Variants in DENND4A observed in about 807,000 individuals in gnomAD.
DENND4A encodes the protein C-myc promoter-binding protein.
Under a neutral mutation model 199.3 loss-of-function variants are expected in DENND4A, and 70 were observed. The ratio of observed to expected loss-of-function variants is 0.35; its 90% CI spans 0.29 to 0.43. The LOEUF is 0.43. Among genes scored for constraint, DENND4A ranks in the 20% least tolerant of loss-of-function variants. DENND4A has a pLI of 1.00. For synonymous variants in DENND4A, 686 were observed against 766.9 expected, an observed-to-expected ratio of 0.89 and a Z score of 1.74; for missense variants, 1,723 against 2,255.8, an observed-to-expected ratio of 0.76 and a Z score of 4.78.
At chr15:65,684,230 T>G (rs2076676457) in intron 23 of DENND4A, among the ~76,000 whole-genome samples, 1 of 152,226 alleles carries the variant, frequency 6.6e-6, no homozygotes, top group Non-Finnish European at 1.5e-5. Flanking sequence ...TTGGGTAGAT[T>G]ATTTAGAGTG....
At chr15:65,693,483 G>A (rs1248484144) in intron 22 of DENND4A, among the ~76,000 whole-genome samples, 1 of 151,932 alleles carries the variant, frequency 6.6e-6, no homozygotes, top group Non-Finnish European at 1.5e-5. Flanking sequence ...TCACATATTC[G>A]AGACTTAAAG....
rs780618494 is a variant in DENND4A, at chr15:65,691,142, C to T, written c.3452G>A (p.Gly1151Asp). The T allele has an allele frequency of 6.2e-7, 1 of 1,613,332 alleles. No homozygotes were observed. Among genetic ancestry groups the T allele is most frequent in the Non-Finnish European group, 8.5e-7 (1 of 1,179,716 alleles). ...ESSDDDTPFD[G>D]SNYLADKVDS... ...CACTTTATCTGCCAAATAGTTAGAA[C>T]CATCAAAAGGTGTATCATCATCACT... The change falls in exon 23 of 33, where the codon GGT becomes GAT. Residue 1151 changes from glycine (G) to aspartate (D), a missense_variant. Gly to Asp is a moderately conservative substitution (Grantham distance 94). Transcript: ENST00000443035.
At position 65,670,022 on chromosome 15, in the gene DENND4A, C is replaced by T. The variant is rs369909860; in HGVS notation, c.4631G>A (p.Arg1544Gln). The change falls in exon 26 of 33, where the codon CGA becomes CAA. Residue 1544 changes from arginine to glutamine, a missense_variant. This residue lies in a region of DENND4A where 141 missense variants were observed against 170.7 expected (regional missense o/e 0.83). Coordinates refer to ENST00000443035, the MANE Select transcript of DENND4A (RefSeq NM_001320835.1). ...AAAAAAATATCATTACCTTCCAGGT[C>T]GTCTTAAATCTCTTATTTCTATATT... Reference protein sequence around the residue: ...FLNIEIRDLRRPGRYFLKSSP... With the variant: ...FLNIEIRDLRQPGRYFLKSSP... 2.5e-6 allele frequency: 4 copies of T among 1,590,704 alleles called. No individual in the cohort carries two copies. The highest frequency in any genetic ancestry group is 2.3e-5 in the South Asian group (2 of 88,060).
intron 14 of DENND4A, among the ~76,000 whole-genome samples, chr15:65,713,118 C>T (rs924976512): frequency 7.2e-5 from 11 of 152,284 alleles, no homozygotes; most frequent in East Asian, 1.9e-4. Flanking sequence ...ACTCCTCAAA[C>T]CACATTCAAG....
chr15:65,782,120 A>G (rs534628911), intron 1 of DENND4A, among the ~76,000 whole-genome samples: 41 of 152,348 alleles, frequency 2.7e-4, no homozygotes, highest in African/African-American at 9.6e-4. Flanking sequence ...ATAGTAGGTG[A>G]CTGTGAATAC....
chr15:65,699,711 G>A (rs899417116), intron 20 of DENND4A, among the ~76,000 whole-genome samples: 13 of 147,102 alleles, frequency 8.8e-5, no homozygotes, highest in Non-Finnish European at 1.8e-4. Flanking sequence ...ACAGGGTCTC[G>A]CTCTGTCACC....
At chr15:65,790,755 T>C (rs1425042477) in intron 1 of DENND4A, among the ~76,000 whole-genome samples, 2 of 152,360 alleles carry the variant, frequency 1.3e-5, no homozygotes, top group East Asian at 3.9e-4. Flanking sequence ...AAATTTTGTA[T>C]ACTTAAGTTT....
At chr15:65,770,237 T>G (rs72741274) in intron 1 of DENND4A, among the ~76,000 whole-genome samples, 7,738 of 152,232 alleles carry the variant, frequency 0.051, 283 homozygotes, top group Non-Finnish European at 0.072. Context: ...ATTACTTATT[T>G]GTAGAAGAAC....
intron 11 of DENND4A, among the ~76,000 whole-genome samples, chr15:65,724,539 C>T (rs2075748088): frequency 6.6e-6 from 1 of 152,058 alleles, no homozygotes; most frequent in South Asian, 2.1e-4. Context: ...TTTTTATATT[C>T]CCTAAACTTC....
At chr15:65,704,211 T>C (rs1165243650) in intron 15 of DENND4A, among the ~76,000 whole-genome samples, 1 of 152,230 alleles carries the variant, frequency 6.6e-6, no homozygotes, top group Admixed American at 6.5e-5. Flanking sequence ...AAAGACAATG[T>C]AAGTTTATGA....
chr15:65,729,396 G>GA (rs1451505812), intron 10 of DENND4A, 138 bp downstream of exon 10: 8 of 1,389,414 alleles, frequency 5.8e-6, no homozygotes, highest in Non-Finnish European at 7.9e-6. Context: ...TAATGGTCAG[G>GA]AAATCAAAAC....
chr15:65,788,852 C>A (rs1395945414), intron 1 of DENND4A, among the ~76,000 whole-genome samples: 13 of 77,820 alleles, frequency 1.7e-4, no homozygotes, highest in South Asian at 5.1e-4. Flanking sequence ...CAGGACTTGT[C>A]TTAAAAAAAA....
intron 1 of DENND4A, among the ~76,000 whole-genome samples, chr15:65,766,952 T>G (rs1003769192): frequency 6.6e-6 from 1 of 152,160 alleles, no homozygotes; most frequent in African/African-American, 2.4e-5. Flanking sequence ...GCTATTCCCT[T>G]GAGAATATGG....
chr15:65,670,183 G>T lies in DENND4A; in HGVS notation c.4470C>A (p.Leu1490=). 1 of 1,516,686 alleles carries T rather than the reference G, an allele frequency of 6.6e-7. No homozygotes were observed. Among genetic ancestry groups the T allele is most frequent in the Admixed American group, 2.2e-5 (1 of 45,104 alleles). The allele number at this position is 1,516,686 out of a possible 1,614,324, so 94.0% of individuals were successfully genotyped here. A position where few individuals can be genotyped will look rare whatever the true frequency, so the allele number is the denominator to read the frequency against. The change falls in exon 26 of 33, where the codon CTC becomes CTA. Residue 1490 remains leucine, a synonymous_variant. Coordinates refer to ENST00000443035, the MANE Select transcript of DENND4A (RefSeq NM_001320835.1). ...NIFQNYAMEV[L]ISSCSRCRTC... is the part of the protein sequence containing the mutation. ...TTCTACACCGAGAGCAACTTGAGAT[G>T]AGAACCTGTGGGAGAAGATAGCACT...
chr15:65,732,243 T>G (rs2075980097), intron 8 of DENND4A, among the ~76,000 whole-genome samples: 1 of 152,108 alleles, frequency 6.6e-6, no homozygotes, highest in Non-Finnish European at 1.5e-5. Flanking sequence ...TTGTGTGTAT[T>G]TAAACTGAAT....
At chr15:65,675,001 T>C (rs1210658777) in intron 24 of DENND4A, among the ~76,000 whole-genome samples, 2 of 152,142 alleles carry the variant, frequency 1.3e-5, no homozygotes, top group Admixed American at 1.3e-4. Flanking sequence ...CCTTATACTT[T>C]TGCATGTTTG....
intron 3 of DENND4A, among the ~76,000 whole-genome samples, chr15:65,755,251 C>G (rs1463452951): frequency 6.6e-6 from 1 of 152,126 alleles, no homozygotes; most frequent in Non-Finnish European, 1.5e-5. Context: ...AATTGGGTAG[C>G]AACTAAGGAG....
In DENND4A at chr15:65,701,753, G is replaced by A; in HGVS notation, c.2559+9C>T. The A allele has an allele frequency of 6.2e-7, 1 of 1,612,354 alleles. No individual in the cohort carries two copies. The highest frequency in any genetic ancestry group is 8.5e-7 in the Non-Finnish European group (1 of 1,178,968). ...TAATACTCTTTATCCATTAAACCAA[G>A]GTATTTACCTTATTATAATAACCAT... On this transcript the variant is annotated intron_variant, in intron 18 of 32. Transcript: ENST00000443035.
chr15:65,768,325 T>G (rs1262254575), intron 1 of DENND4A, among the ~76,000 whole-genome samples: 2 of 151,892 alleles, frequency 1.3e-5, no homozygotes, highest in Non-Finnish European at 2.9e-5. Flanking sequence ...CCTGTTTTTT[T>G]CGTTTTGTTT....
Sources: gnomAD v4.1 joint callset for allele counts (sites outside exome capture counted in the v4.1 genomes callset) on GRCh38, gnomAD v4.1.1 for gene constraint, gnomAD v4.1.1 regional missense constraint, MANE v1.5 for transcripts, NCBI Gene and HGNC (gene_info 2026-07-23, HGNC 2026-07-21) for gene names.